EIF4G3: variants seen among roughly 807,000 people sequenced by gnomAD.
EIF4G3 encodes the protein eukaryotic translation initiation factor 4 gamma 3, also known as eIF-4-gamma 3.
A neutral mutation model predicts 186.4 loss-of-function variants in EIF4G3; 34 were observed. That is an observed-to-expected ratio of 0.18 (90% CI 0.14 to 0.24). The LOEUF (loss-of-function observed/expected upper bound fraction) is 0.24. EIF4G3 is among the 10% of genes least tolerant of loss of function. The pLI is 1.00. For missense variants in EIF4G3, 1,536 were observed against 1,948.5 expected (o/e 0.79, Z 3.99); for synonymous variants, 673 against 679.5 (o/e 0.99, Z 0.15).
chr1:20,890,899 G>T (rs1572274933), intron 18 of EIF4G3, among the ~76,000 whole-genome samples: 1 of 152,132 alleles, frequency 6.6e-6, no homozygotes. Context: ...TTGTGTTAAG[G>T]CTTAACATAT....
chr1:21,017,897 G>A (rs1000446492), intron 4 of EIF4G3, among the ~76,000 whole-genome samples: 3 of 151,932 alleles, frequency 2.0e-5, no homozygotes, highest in African/African-American at 4.8e-5. Context: ...TTTCAGTTTT[G>A]CAAGATGAAA....
intron 4 of EIF4G3, among the ~76,000 whole-genome samples, chr1:21,024,276 C>T (rs1352018147): frequency 6.6e-6 from 1 of 151,220 alleles, no homozygotes; most frequent in Non-Finnish European, 1.5e-5. Flanking sequence ...GGCGCCTCTG[C>T]CCGGCCGCCC....
intron 14 of EIF4G3, among the ~76,000 whole-genome samples, chr1:20,940,022 T>C (rs1226051812): frequency 6.6e-6 from 1 of 151,652 alleles, no homozygotes; most frequent in African/African-American, 2.4e-5. Context: ...GCCTGGCTAT[T>C]TTTTTTGTAT....
chr1:20,965,401 T>G (rs1002913940), intron 12 of EIF4G3, among the ~76,000 whole-genome samples: 6 of 152,266 alleles, frequency 3.9e-5, no homozygotes, highest in Non-Finnish European at 7.3e-5. Context: ...TGTGCAGTAC[T>G]GATTACGCCT....
chr1:21,000,198 A>T (rs551620204), intron 6 of EIF4G3, among the ~76,000 whole-genome samples: 1 of 152,076 alleles, frequency 6.6e-6, no homozygotes, highest in African/African-American at 2.4e-5. Flanking sequence ...ATAGCTTATC[A>T]GTGTTGTTAT....
intron 15 of EIF4G3, among the ~76,000 whole-genome samples, chr1:20,901,983 A>G (rs1371160677): frequency 6.6e-6 from 1 of 152,224 alleles, no homozygotes; most frequent in African/African-American, 2.4e-5. Context: ...GAAATGCTCT[A>G]AAATTTTAAA....
At chr1:20,862,631 T>G (rs1337934744) in intron 22 of EIF4G3, among the ~76,000 whole-genome samples, 2 of 152,162 alleles carry the variant, frequency 1.3e-5, no homozygotes, top group East Asian at 3.9e-4. Flanking sequence ...CAGGCTGGTC[T>G]TGAACTCCTG....
intron 3 of EIF4G3, among the ~76,000 whole-genome samples, chr1:21,053,415 G>A (rs2094378200): frequency 1.3e-5 from 2 of 151,400 alleles, no homozygotes; most frequent in Admixed American, 1.3e-4. Flanking sequence ...TGGAAGGGAG[G>A]TGGGGGGGTT....
intron 2 of EIF4G3, among the ~76,000 whole-genome samples, chr1:21,154,345 A>G (rs2097599666): frequency 6.6e-6 from 1 of 152,238 alleles, no homozygotes; most frequent in Admixed American, 6.5e-5. Flanking sequence ...TAACTAAAGT[A>G]CAGAGAAAGG....
chr1:20,960,795 A>G (rs1449702126), intron 12 of EIF4G3, among the ~76,000 whole-genome samples: 1 of 152,178 alleles, frequency 6.6e-6, no homozygotes, highest in Non-Finnish European at 1.5e-5. Flanking sequence ...ACAATTCCGT[A>G]TGACAGAAGG....
At chr1:21,089,954 C>G (rs1032183442) in intron 2 of EIF4G3, among the ~76,000 whole-genome samples, 6 of 152,198 alleles carry the variant, frequency 3.9e-5, no homozygotes, top group Admixed American at 3.3e-4. Context: ...TTCTTTCCCT[C>G]TGAGCTCAAG....
intron 14 of EIF4G3, among the ~76,000 whole-genome samples, chr1:20,915,002 C>T (rs2093698571): frequency 6.6e-6 from 1 of 152,208 alleles, no homozygotes. Context: ...TCTGTGTTTT[C>T]CAGTTATGTC....
rs1305727193 is a variant in EIF4G3, at chr1:20,813,194, C to T, written c.4561G>A (p.Ala1521Thr). 2 of 1,613,670 alleles carry T rather than the reference C, an allele frequency of 1.2e-6. No individual in the cohort carries two copies. Among genetic ancestry groups the T allele is most frequent in the South Asian group, 1.1e-5 (1 of 91,062 alleles). ...GCTTTACAAACAGCAGTCATTAAAG[C>T]TCTAAGGAATGTAGGTGAACTCATC... ...IQMSSPTFLR[A>T]LMTAVCKAAI... Residue 1521 changes from alanine (A) to threonine (T), a missense_variant, in exon 35 of 37, where the codon GCT becomes ACT. By Grantham distance (58) the Ala-to-Thr change is moderately conservative (BLOSUM62 0). Transcript: ENST00000602326.
intron 27 of EIF4G3, among the ~76,000 whole-genome samples, chr1:20,853,259 G>A (rs1482522320): frequency 6.6e-6 from 1 of 152,198 alleles, no homozygotes; most frequent in Non-Finnish European, 1.5e-5. Context: ...CCATGGTTGA[G>A]AATGCTAGGT....
chr1:21,049,343 A>G (rs1034190220), intron 4 of EIF4G3, among the ~76,000 whole-genome samples: 5 of 152,122 alleles, frequency 3.3e-5, no homozygotes, highest in Non-Finnish European at 4.4e-5. Context: ...TTTGCTCTTT[A>G]TATCTTATAT....
At position 20,887,181 on chromosome 1, in the gene EIF4G3, A is replaced by AT. The variant is rs147237168; in HGVS notation, c.2254-811dup. Among the ~76,000 whole-genome samples, 928 of 151,902 alleles carry AT rather than the reference A, an allele frequency of 6.1e-3. 8 individuals carry two copies. Among genetic ancestry groups the AT allele is most frequent in the Non-Finnish European group, 8.3e-3 (563 of 67,976 alleles). ...GTTGACAACCTTTACTTTTTCTGAT[A>AT]TATCATTCTGTTAGTGCTGGGCAAA... On this transcript the variant is annotated intron_variant, in intron 18 of 36. Transcript: ENST00000602326.
intron 3 of EIF4G3, among the ~76,000 whole-genome samples, chr1:21,063,075 G>A (rs2095014278): frequency 6.6e-6 from 1 of 151,774 alleles, no homozygotes; most frequent in African/African-American, 2.4e-5. Flanking sequence ...TTTTTTTGAG[G>A]CTGGGTCTCA....
intron 2 of EIF4G3, among the ~76,000 whole-genome samples, chr1:21,166,150 G>A (rs1422070774): frequency 7.2e-6 from 1 of 139,678 alleles, no homozygotes. Flanking sequence ...TTCCATGCCA[G>A]GCTCAATGGC....
chr1:21,071,052 A>G (rs2095426310), intron 3 of EIF4G3, among the ~76,000 whole-genome samples: 2 of 152,236 alleles, frequency 1.3e-5, no homozygotes, highest in South Asian at 4.1e-4. Context: ...TCAGATATAA[A>G]GAATAAATTG....
Sources: allele counts gnomAD v4.1 joint callset (sites outside exome capture counted in the v4.1 genomes callset), GRCh38; gene constraint gnomAD v4.1.1; transcripts MANE v1.5; gene names NCBI Gene and HGNC (gene_info 2026-07-23, HGNC 2026-07-21).